The following ELOVL6 variants were observed in gnomAD, a reference collection of about 807,000 sequenced individuals.
ELOVL6 encodes very long chain fatty acid elongase 6.
ELOVL6 carries 8 observed loss-of-function variants against 31.7 expected under a neutral mutation model. That is an observed-to-expected ratio of 0.25 (90% CI 0.15 to 0.45). The LOEUF (loss-of-function observed/expected upper bound fraction) is 0.45. Ranked by LOEUF, ELOVL6 falls within the 20% of genes least tolerant of loss-of-function variation. The probability of loss-of-function intolerance (pLI) is 1.00; values close to 1 mark genes in which losing one functional copy is unlikely to be tolerated. For synonymous variants in ELOVL6, 101 were observed against 117.7 expected (o/e 0.86, Z 0.92); for missense variants, 126 against 326.4 (o/e 0.39, Z 4.73).
intron 2 of ELOVL6, among the ~76,000 whole-genome samples, chr4:110,098,851 G>A (rs1013365135): frequency 2.6e-5 from 4 of 152,034 alleles, no homozygotes; most frequent in African/African-American, 9.7e-5. Context: ...GACACTTAAA[G>A]CTTATGGATC....
rs372970375 is a variant in ELOVL6, at chr4:110,127,090, C to T, written c.90-21462G>A. On this transcript the variant is annotated intron_variant, in intron 1 of 3. Coordinates refer to ENST00000302274, the MANE Select transcript of ELOVL6 (RefSeq NM_024090.3). ...ACTAAGAGACACAGGATATATGTAC[C>T]GTTGTTGCCACAATACCATGGCTCT... 6.6e-5 allele frequency among the ~76,000 whole-genome samples: 10 copies of T among 152,116 alleles called. 1 individual carries two copies. In the East Asian group the frequency reaches 1.4e-3, roughly 21 times the overall value.
chr4:110,194,054 C>T (rs988732176), intron 1 of ELOVL6, among the ~76,000 whole-genome samples: 1 of 152,190 alleles, frequency 6.6e-6, no homozygotes, highest in Non-Finnish European at 1.5e-5. Flanking sequence ...TTAGCACAAA[C>T]CTGGCAGGCT....
At chr4:110,063,140 C>G (rs976659596) in intron 2 of ELOVL6, among the ~76,000 whole-genome samples, 3 of 152,174 alleles carry the variant, frequency 2.0e-5, no homozygotes, top group Non-Finnish European at 2.9e-5. Flanking sequence ...TTAATTAACC[C>G]TAATTCAAAG....
At chr4:110,148,214 GA>G in intron 1 of ELOVL6, among the ~76,000 whole-genome samples, 1 of 151,462 alleles carries the variant, frequency 6.6e-6, no homozygotes, top group African/African-American at 2.4e-5. Context: ...AGAAGCATAT[GA>G]AAAAATGTTC....
intron 1 of ELOVL6, among the ~76,000 whole-genome samples, chr4:110,184,544 G>C (rs1315478490): frequency 1.3e-5 from 2 of 152,160 alleles, no homozygotes; most frequent in African/African-American, 4.8e-5. Context: ...GGAAACCACT[G>C]AAGGTTTTTA....
At chr4:110,132,309 A>G (rs1448778451) in intron 1 of ELOVL6, among the ~76,000 whole-genome samples, 2 of 152,132 alleles carry the variant, frequency 1.3e-5, no homozygotes, top group Non-Finnish European at 2.9e-5. Flanking sequence ...AGTTTTCCTC[A>G]AGAGAAGATG....
chr4:110,070,376 A>G (rs1319162486), intron 2 of ELOVL6, among the ~76,000 whole-genome samples: 1 of 152,208 alleles, frequency 6.6e-6, no homozygotes, highest in East Asian at 1.9e-4. Flanking sequence ...TGAAGCCAAA[A>G]AACTCACCAG....
At chr4:110,084,440 G>GATATATCACATATATGATATATCAT (rs1203410388) in intron 2 of ELOVL6, among the ~76,000 whole-genome samples, 1,019 of 80,376 alleles carry the variant, frequency 0.013, 111 homozygotes, top group African/African-American at 0.055. Flanking sequence ...TATCATATAT[G>GATATATCACATATATGATATATCAT]ATATATCGCA....
intron 1 of ELOVL6, among the ~76,000 whole-genome samples, chr4:110,122,220 A>G (rs1757376755): frequency 6.6e-6 from 1 of 152,228 alleles, no homozygotes; most frequent in African/African-American, 2.4e-5. Context: ...ACATTAAATT[A>G]TATGAAGTCA....
At chr4:110,125,856 G>A (rs1757476317) in intron 1 of ELOVL6, among the ~76,000 whole-genome samples, 1 of 151,684 alleles carries the variant, frequency 6.6e-6, no homozygotes, top group South Asian at 2.1e-4. Flanking sequence ...TTTGGTTTAT[G>A]GGTGATTTTT....
chr4:110,151,777 A>G (rs1395710775), intron 1 of ELOVL6, among the ~76,000 whole-genome samples: 1 of 152,214 alleles, frequency 6.6e-6, no homozygotes, highest in African/African-American at 2.4e-5. Context: ...CCCACTTACT[A>G]GCTGTACAAT....
chr4:110,084,589 T>TATATATATATATA (rs1491219333), intron 2 of ELOVL6, among the ~76,000 whole-genome samples: 2 of 25,664 alleles, frequency 7.8e-5, no homozygotes, highest in African/African-American at 2.5e-4. Flanking sequence ...TATATATATA[T>TATATATATATATA]TTTTTTTTTT....
intron 2 of ELOVL6, among the ~76,000 whole-genome samples, chr4:110,084,334 TCAC>T (rs1440059673): frequency 5.5e-5 from 4 of 72,628 alleles, no homozygotes; most frequent in African/African-American, 1.8e-4. Flanking sequence ...TTGATATATA[TCAC>T]ATATATGATA....
chr4:110,090,895 T>G (rs1756407908), intron 2 of ELOVL6, among the ~76,000 whole-genome samples: 1 of 152,064 alleles, frequency 6.6e-6, no homozygotes, highest in Non-Finnish European at 1.5e-5. Context: ...GAGCCACCAC[T>G]CCTGGCCGAG....
At chr4:110,085,698 G>A (rs777286254) in intron 2 of ELOVL6, among the ~76,000 whole-genome samples, 1 of 152,136 alleles carries the variant, frequency 6.6e-6, no homozygotes, top group Non-Finnish European at 1.5e-5. Flanking sequence ...TGTTAAAAAT[G>A]CAGATTTCCA....
intron 1 of ELOVL6, among the ~76,000 whole-genome samples, chr4:110,157,375 A>G (rs999288538): frequency 2.0e-5 from 3 of 152,112 alleles, no homozygotes; most frequent in African/African-American, 7.2e-5. Flanking sequence ...ATACTCTAAA[A>G]TATGTCTTGG....
At chr4:110,163,690 T>C (rs1758692747) in intron 1 of ELOVL6, among the ~76,000 whole-genome samples, 1 of 151,684 alleles carries the variant, frequency 6.6e-6, no homozygotes. Flanking sequence ...AATGGAAGAG[T>C]TTAAGATTAA....
chr4:110,166,707 T>G (rs1455916192), intron 1 of ELOVL6, among the ~76,000 whole-genome samples: 2 of 152,208 alleles, frequency 1.3e-5, no homozygotes, highest in African/African-American at 4.8e-5. Context: ...CCCTCATGGT[T>G]AGCATATAAG....
intron 2 of ELOVL6, among the ~76,000 whole-genome samples, chr4:110,081,716 G>T (rs149870251): frequency 0.065 from 9,876 of 150,846 alleles, 917 homozygotes; most frequent in African/African-American, 0.21. Flanking sequence ...CTAAAAGCAA[G>T]GGCAACAAAA....
Sources: allele counts gnomAD v4.1 joint callset (sites outside exome capture counted in the v4.1 genomes callset), GRCh38; gene constraint gnomAD v4.1.1; transcripts MANE v1.5; gene names NCBI Gene and HGNC (gene_info 2026-07-23, HGNC 2026-07-21).